SCD5: variants seen among roughly 807,000 people sequenced by gnomAD.
The protein encoded by SCD5 is stearoyl-CoA desaturase 5, also known as acyl-CoA-desaturase 4.
In SCD5, 20 loss-of-function variants were observed where a neutral mutation model predicts 30.4. That is an observed-to-expected ratio of 0.66 (90% CI 0.46 to 0.96). The LOEUF (loss-of-function observed/expected upper bound fraction) is 0.96, where lower values mean the gene tolerates loss of function less well. SCD5 is among the 40% of genes least tolerant of loss of function. The pLI is 0.00. For synonymous variants in SCD5, 173 were observed against 176.4 expected (o/e 0.98, Z 0.16); for missense variants, 381 against 443.3 (o/e 0.86, Z 1.26).
At chr4:82,746,056 A>T (rs1404690525) in intron 1 of SCD5, among the ~76,000 whole-genome samples, 1 of 152,254 alleles carries the variant, frequency 6.6e-6, no homozygotes, top group African/African-American at 2.4e-5. Context: ...CCTGGCTCAC[A>T]ATAAGTGCTA....
intron 1 of SCD5, among the ~76,000 whole-genome samples, chr4:82,724,504 C>A (rs1720431898): frequency 6.6e-6 from 1 of 152,112 alleles, no homozygotes; most frequent in African/African-American, 2.4e-5. Flanking sequence ...CTTTCTAATA[C>A]CAAACTGATT....
rs1464565471 is a variant in SCD5, at chr4:82,701,304, CACATAAA to C, written c.363+3972_363+3978del. Among the ~76,000 whole-genome samples the C allele has an allele frequency of 2.6e-5, 4 of 151,778 alleles. No homozygotes were observed. In the East Asian group the frequency reaches 7.7e-4, roughly 29 times the overall value. On this transcript the variant is annotated intron_variant, in intron 2 of 4. Coordinates refer to ENST00000319540, the MANE Select transcript of SCD5 (RefSeq NM_001037582.3). ...CTTATACAAAATGGTCCATTAAAAC[CACATAAA>C]AATAGAAAAAGAGTAGAATACACAA... is the stretch of plus-strand genomic sequence containing the variant.
At chr4:82,741,080 T>A (rs1278683005) in intron 1 of SCD5, among the ~76,000 whole-genome samples, 1 of 149,804 alleles carries the variant, frequency 6.7e-6, no homozygotes, top group Non-Finnish European at 1.5e-5. Flanking sequence ...TAGCTGGGAC[T>A]ACAGGCGTGT....
At chr4:82,715,505 C>T (rs1477816817) in intron 1 of SCD5, among the ~76,000 whole-genome samples, 1 of 151,408 alleles carries the variant, frequency 6.6e-6, no homozygotes, top group Non-Finnish European at 1.5e-5. Context: ...AGTTACTCAT[C>T]ACTCTGGGCC....
intron 1 of SCD5, among the ~76,000 whole-genome samples, chr4:82,744,771 T>C (rs898025097): frequency 1.3e-5 from 2 of 152,012 alleles, no homozygotes; most frequent in African/African-American, 4.8e-5. Context: ...CGAGAAGTTA[T>C]TGCATAATCA....
At chr4:82,634,241 T>C (rs1265238616) in intron 4 of SCD5, among the ~76,000 whole-genome samples, 1 of 152,216 alleles carries the variant, frequency 6.6e-6, no homozygotes, top group East Asian at 1.9e-4. Flanking sequence ...TGTGGACATA[T>C]GTTTTCATTT....
chr4:82,727,101 A>G (rs773150074), intron 1 of SCD5, among the ~76,000 whole-genome samples: 10 of 152,208 alleles, frequency 6.6e-5, no homozygotes, highest in African/African-American at 2.4e-4. Flanking sequence ...CTGGGTTCAT[A>G]TCTAAGTAAG....
At chr4:82,635,517 A>T (rs1463748407) in intron 4 of SCD5, among the ~76,000 whole-genome samples, 1 of 147,938 alleles carries the variant, frequency 6.8e-6, no homozygotes, top group African/African-American at 2.5e-5. Context: ...GCTACTCGGG[A>T]GGCTGAGGCA....
chr4:82,686,719 ATT>A (rs1241406363), intron 2 of SCD5, among the ~76,000 whole-genome samples: 1 of 152,180 alleles, frequency 6.6e-6, no homozygotes, highest in African/African-American at 2.4e-5. Flanking sequence ...TGGGAATGAA[ATT>A]GGGAGGTAGG....
Position 82,631,491 on chromosome 4 carries a change from T to C in SCD5, c.829A>G (p.Thr277Ala). The C allele has an allele frequency of 6.2e-7, 1 of 1,614,152 alleles. No individual in the cohort carries two copies. Among genetic ancestry groups the C allele is most frequent in the Middle Eastern group, 1.6e-4 (1 of 6,062 alleles). The part of the protein sequence containing the change: ...IGEGFHNYHH[T>A]FPFDYSASEF... ...CTCGCAGAGTAGTCAAAGGGAAAGG[T>C]GTGATGGTAATTATGGAAGCCTTCA... is the stretch of plus-strand genomic sequence containing the variant. Residue 277 changes from threonine (T) to alanine (A), a missense_variant, in exon 5 of 5, where the codon ACC becomes GCC. Transcript: ENST00000319540.
At chr4:82,679,301 A>G (rs1192979137) in intron 3 of SCD5, among the ~76,000 whole-genome samples, 1 of 150,764 alleles carries the variant, frequency 6.6e-6, no homozygotes, top group Non-Finnish European at 1.5e-5. Context: ...AGAAAGAAAG[A>G]AAACATCTTG....
At chr4:82,763,365 G>T (rs1721419010) in intron 1 of SCD5, among the ~76,000 whole-genome samples, 1 of 152,102 alleles carries the variant, frequency 6.6e-6, no homozygotes, top group South Asian at 2.1e-4. Context: ...ACAAAAATTA[G>T]CCAGGTGTGG....
intron 1 of SCD5, among the ~76,000 whole-genome samples, chr4:82,759,205 T>G (rs1415229912): frequency 6.6e-6 from 1 of 152,218 alleles, no homozygotes; most frequent in East Asian, 1.9e-4. Context: ...TTGAGTTCAT[T>G]CTGCTTGCTC....
At chr4:82,755,722 T>C (rs887546305) in intron 1 of SCD5, among the ~76,000 whole-genome samples, 8 of 152,342 alleles carry the variant, frequency 5.3e-5, no homozygotes, top group African/African-American at 1.9e-4. Flanking sequence ...ATATTTCATA[T>C]TTTATTTCTC....
chr4:82,690,064 T>C lies in SCD5; in HGVS notation c.364-9152A>G, dbSNP rs375236435. On this transcript the variant is annotated intron_variant, in intron 2 of 4. Transcript: ENST00000319540. ...GAATCTAAAGAGACATTATAACTCATTGTAATGCATAATCCTCAATTGGAC... is the reference window on the plus strand; with the variant it reads ...GAATCTAAAGAGACATTATAACTCACTGTAATGCATAATCCTCAATTGGAC... Among the ~76,000 whole-genome samples the C allele has an allele frequency of 3.9e-5, 6 of 152,330 alleles. 1 individual carries two copies. Among genetic ancestry groups the C allele is most frequent in the African/African-American group, 1.2e-4 (5 of 41,566 alleles).
intron 1 of SCD5, among the ~76,000 whole-genome samples, chr4:82,731,286 C>T (rs1720638528): frequency 6.6e-6 from 1 of 152,186 alleles, no homozygotes. Flanking sequence ...GCTGCTGGGT[C>T]AAGGCCTGGC....
chr4:82,706,231 AAGTAAAATCT>A (rs1719966226), intron 1 of SCD5, among the ~76,000 whole-genome samples: 1 of 152,224 alleles, frequency 6.6e-6, no homozygotes, highest in Admixed American at 6.5e-5. Context: ...GTCAGGGAAC[AAGTAAAATCT>A]AGAATGGAAA....
intron 1 of SCD5, among the ~76,000 whole-genome samples, chr4:82,737,491 A>G (rs1188042470): frequency 6.6e-6 from 1 of 152,214 alleles, no homozygotes; most frequent in African/African-American, 2.4e-5. Flanking sequence ...CCACTCAGGC[A>G]GATCATCAAT....
At chr4:82,634,210 A>T (rs1457821905) in intron 4 of SCD5, among the ~76,000 whole-genome samples, 2 of 152,198 alleles carry the variant, frequency 1.3e-5, no homozygotes, top group African/African-American at 4.8e-5. Flanking sequence ...GTTGCTATGA[A>T]CATTGATATA....
Sources: allele counts gnomAD v4.1 joint callset (sites outside exome capture counted in the v4.1 genomes callset), GRCh38; gene constraint gnomAD v4.1.1; transcripts MANE v1.5; gene names NCBI Gene and HGNC (gene_info 2026-07-23, HGNC 2026-07-21).